Variants in PPM1B observed in about 807,000 individuals in gnomAD.
PPM1B encodes protein phosphatase, Mg2+/Mn2+ dependent 1B.
Under a neutral mutation model 43.0 loss-of-function variants are expected in PPM1B, and 22 were observed. The observed-to-expected ratio is 0.51, with a 90% CI of 0.37 to 0.73. The LOEUF (loss-of-function observed/expected upper bound fraction) is 0.73. Ranked by LOEUF, PPM1B falls within the 30% of genes least tolerant of loss-of-function variation. The probability of loss-of-function intolerance (pLI) is 0.00; values close to 1 mark genes in which losing one functional copy is unlikely to be tolerated. For synonymous variants in PPM1B, 217 were observed against 197.9 expected (o/e 1.10, Z -0.81); for missense variants, 632 against 584.2 (o/e 1.08, Z -0.84).
Position 44,177,277 on chromosome 2 carries a change from C to A in PPM1B, c.-15+8003C>A, listed in dbSNP as rs191156513. Among the ~76,000 whole-genome samples, 371 of 152,136 alleles carry A rather than the reference C, an allele frequency of 2.4e-3. 1 individual carries two copies. The highest frequency in any genetic ancestry group is 8.5e-3 in the African/African-American group (351 of 41,508). On this transcript the variant is annotated intron_variant, in intron 1 of 5. Coordinates refer to ENST00000282412, the MANE Select transcript of PPM1B (RefSeq NM_002706.6). ...CCTTACTTGAATTTAAAAAAATTAT[C>A]TCTTGTAACTGGTTTTGTTTATATA...
Position 44,187,642 on chromosome 2 carries a change from C to G in PPM1B, c.-14-13544C>G, listed in dbSNP as rs142172884. On this transcript the variant is annotated intron_variant, in intron 1 of 5. Transcript: ENST00000282412. ...TGAGTATTTGTATCTTCCCTCAGCT[C>G]TGAAAAATTATTTTTGTTTTATTGT... 1.4e-4 allele frequency among the ~76,000 whole-genome samples: 22 copies of G among 152,304 alleles called. 1 individual carries two copies. In the East Asian group the frequency reaches 4.2e-3, roughly 29 times the overall value.
At chr2:44,236,847 G>T (rs575215612), downstream of PPM1B, among the ~76,000 whole-genome samples, 1 of 152,214 alleles carries the variant, frequency 6.6e-6, no homozygotes, top group East Asian at 1.9e-4. Context: ...TTTGTGTTTT[G>T]AAGTTCATCT....
chr2:44,237,340 C>G (rs142529282), downstream of PPM1B, among the ~76,000 whole-genome samples: 853 of 152,280 alleles, frequency 5.6e-3, 8 homozygotes, highest in African/African-American at 0.019. Context: ...ATAGAGAATA[C>G]ATTGCTTTTC....
At chr2:44,176,982 G>C (rs2104002605) in intron 1 of PPM1B, among the ~76,000 whole-genome samples, 1 of 152,240 alleles carries the variant, frequency 6.6e-6, no homozygotes, top group Non-Finnish European at 1.5e-5. Context: ...GTTTCACCAT[G>C]TTGGCCAAGC....
At chr2:44,175,430 T>TCCA (rs1358223316) in intron 1 of PPM1B, among the ~76,000 whole-genome samples, 4 of 152,188 alleles carry the variant, frequency 2.6e-5, no homozygotes, top group African/African-American at 9.7e-5. Context: ...TCTGTAACCC[T>TCCA]CCAGCCAATT....
At chr2:44,172,675 A>C (rs1417438860) in intron 1 of PPM1B, among the ~76,000 whole-genome samples, 1 of 152,094 alleles carries the variant, frequency 6.6e-6, no homozygotes, top group Non-Finnish European at 1.5e-5. Flanking sequence ...TCCTGTCCCA[A>C]CATTTTGGGA....
At chr2:44,233,697 G>A, downstream of PPM1B, 1 of 985,806 alleles carries the variant, frequency 1.0e-6, no homozygotes, top group Non-Finnish European at 1.2e-6. Flanking sequence ...ACGTTTTCCT[G>A]AAGCTGTTTC....
downstream of PPM1B, among the ~76,000 whole-genome samples, chr2:44,245,897 G>T (rs554466178): frequency 8.5e-5 from 13 of 152,322 alleles, no homozygotes; most frequent in South Asian, 2.7e-3. Flanking sequence ...TTCCTTTGGA[G>T]CTGGTGCTCC....
At chr2:44,194,898 C>CTTTTTTT (rs796213050) in intron 1 of PPM1B, among the ~76,000 whole-genome samples, 3 of 123,258 alleles carry the variant, frequency 2.4e-5, no homozygotes, top group Non-Finnish European at 5.0e-5. Context: ...CAGTCTTTTG[C>CTTTTTTT]TTTTTTTTTT....
intron 1 of PPM1B, among the ~76,000 whole-genome samples, chr2:44,197,529 T>C (rs974583026): frequency 2.0e-5 from 3 of 152,244 alleles, no homozygotes; most frequent in Non-Finnish European, 4.4e-5. Context: ...CCAGTTTTTC[T>C]AGTAATTCTG....
intron 5 of PPM1B, among the ~76,000 whole-genome samples, chr2:44,226,963 TATTTA>T (rs1670243747): frequency 7.0e-6 from 1 of 142,154 alleles, no homozygotes; most frequent in Non-Finnish European, 1.6e-5. Context: ...TTTATTTATT[TATTTA>T]TTTATGAATG....
chr2:44,194,655 G>A (rs1317314108), intron 1 of PPM1B, among the ~76,000 whole-genome samples: 3 of 151,866 alleles, frequency 2.0e-5, no homozygotes, highest in Non-Finnish European at 2.9e-5. Context: ...CCTGGGAGGC[G>A]GAGCTTGCAG....
At chr2:44,242,342 T>G (rs145275212) in intron 5 of PPM1B, among the ~76,000 whole-genome samples, 138 of 152,290 alleles carry the variant, frequency 9.1e-4, no homozygotes, top group African/African-American at 3.1e-3. Context: ...CACATTAACT[T>G]TAGAACAGTG....
chr2:44,220,951 A>G (rs1220934981), intron 5 of PPM1B, among the ~76,000 whole-genome samples: 1 of 152,226 alleles, frequency 6.6e-6, no homozygotes, highest in African/African-American at 2.4e-5. Flanking sequence ...TAAAGCAGAG[A>G]ACTGTTGTGG....
At chr2:44,176,136 G>C (rs888927563) in intron 1 of PPM1B, among the ~76,000 whole-genome samples, 2 of 152,132 alleles carry the variant, frequency 1.3e-5, no homozygotes, top group African/African-American at 4.8e-5. Flanking sequence ...CCCTGCATTA[G>C]ACAGACATGA....
intron 3 of PPM1B, among the ~76,000 whole-genome samples, chr2:44,214,469 G>T (rs966070996): frequency 2.6e-5 from 4 of 151,790 alleles, no homozygotes; most frequent in African/African-American, 9.7e-5. Flanking sequence ...GGGGTGGGGG[G>T]GGCATGGCAG....
intron 5 of PPM1B, chr2:44,229,959 AT>A: frequency 1.3e-6 from 2 of 1,504,458 alleles, no homozygotes; most frequent in Non-Finnish European, 1.8e-6. Flanking sequence ...TTAAATCTAT[AT>A]AGTTTTATGT....
chr2:44,189,380 C>G (rs1220992298), intron 1 of PPM1B, among the ~76,000 whole-genome samples: 1 of 152,222 alleles, frequency 6.6e-6, no homozygotes, highest in Non-Finnish European at 1.5e-5. Context: ...TTTACTACAT[C>G]TGTGAACGTA....
downstream of PPM1B, among the ~76,000 whole-genome samples, chr2:44,245,542 A>C (rs1670839634): frequency 6.6e-6 from 1 of 152,180 alleles, no homozygotes; most frequent in African/African-American, 2.4e-5. Flanking sequence ...TATGCTAACA[A>C]CTTTTTATTT....
Sources: gnomAD v4.1 joint callset for allele counts (sites outside exome capture counted in the v4.1 genomes callset) on GRCh38, gnomAD v4.1.1 for gene constraint, MANE v1.5 for transcripts, NCBI Gene and HGNC (gene_info 2026-07-23, HGNC 2026-07-21) for gene names.